The following THADA variants were observed in gnomAD, a reference collection of about 807,000 sequenced individuals.
THADA encodes the protein tRNA (32-2'-O)-methyltransferase regulator THADA.
THADA carries 213 observed loss-of-function variants against 219.8 expected under a neutral mutation model. That is an observed-to-expected ratio of 0.97 (90% CI 0.87 to 1.09). The LOEUF (loss-of-function observed/expected upper bound fraction) is 1.09, where lower values mean the gene tolerates loss of function less well. Among genes scored for constraint, THADA ranks in the 50% least tolerant of loss-of-function variants. The pLI is 0.00. For synonymous variants in THADA, 1,018 were observed against 828.9 expected (o/e 1.23, Z -3.92); for missense variants, 2,956 against 2,311.3 (o/e 1.28, Z -5.72).
chr2:43,254,605 T>C (rs1670123415), intron 36 of THADA, among the ~76,000 whole-genome samples: 1 of 152,152 alleles, frequency 6.6e-6, no homozygotes, highest in Non-Finnish European at 1.5e-5. Flanking sequence ...CTGCCACCCA[T>C]GTCTTTCTGG....
intron 20 of THADA, among the ~76,000 whole-genome samples, chr2:43,548,041 T>C: frequency 6.6e-6 from 1 of 152,150 alleles, no homozygotes. Flanking sequence ...AGATGGGTTT[T>C]TGGTGTGGAT....
intron 15 of THADA, chr2:43,565,687 G>A (rs1698578618): frequency 6.6e-6 from 1 of 152,232 alleles, no homozygotes; most frequent in Non-Finnish European, 1.5e-5. Context: ...CATTCCCTGT[G>A]AAGGAGCAGC....
intron 29 of THADA, among the ~76,000 whole-genome samples, chr2:43,386,587 A>G (rs1440478220): frequency 1.3e-5 from 2 of 152,286 alleles, no homozygotes; most frequent in South Asian, 4.1e-4. Flanking sequence ...AAGGTCCTTT[A>G]AAAAATAATA....
chr2:43,544,355 C>A (rs1024575847), intron 20 of THADA, among the ~76,000 whole-genome samples: 3 of 152,140 alleles, frequency 2.0e-5, no homozygotes, highest in East Asian at 1.9e-4. Flanking sequence ...CTTGGCAATG[C>A]GGGCTCTTTT....
chr2:43,258,598 C>A (rs1278066192), intron 36 of THADA, among the ~76,000 whole-genome samples: 1 of 151,962 alleles, frequency 6.6e-6, no homozygotes, highest in East Asian at 1.9e-4. Flanking sequence ...ACTGGGTGTC[C>A]TATATTTTTA....
In THADA at chr2:43,314,323, T is replaced by C. The variant is rs552508040; in HGVS notation, c.4438+6123A>G. Among the ~76,000 whole-genome samples, 8 of 150,566 alleles carry C rather than the reference T, an allele frequency of 5.3e-5. No homozygotes were observed. The East Asian group carries it at 1.5e-3, about 29-fold the overall frequency. On this transcript the variant is annotated intron_variant, in intron 31 of 37. Transcript: ENST00000405975. The stretch of plus-strand genomic sequence containing the variant: ...ATAATTATAAAAGAACCAAGTTGCA[T>C]AAAATTTATAAAATGGAGACTAGGA...
chr2:43,308,040 T>TA (rs5830758), intron 31 of THADA, among the ~76,000 whole-genome samples: 3 of 151,604 alleles, frequency 2.0e-5, no homozygotes, highest in East Asian at 1.9e-4. Flanking sequence ...TATCTAAAAT[T>TA]AAAAAAAATT....
At chr2:43,355,537 A>G (rs1233760806) in intron 29 of THADA, among the ~76,000 whole-genome samples, 1 of 152,186 alleles carries the variant, frequency 6.6e-6, no homozygotes, top group African/African-American at 2.4e-5. Flanking sequence ...TTGCTTTTGT[A>G]GACTGACCTT....
chr2:43,578,819 G>C (rs1183849999), intron 8 of THADA, among the ~76,000 whole-genome samples: 2 of 152,158 alleles, frequency 1.3e-5, no homozygotes, highest in Non-Finnish European at 2.9e-5. Context: ...GGCAGTGTCA[G>C]GTTTAGATGA....
chr2:43,281,929 C>A (rs11894465), intron 35 of THADA, among the ~76,000 whole-genome samples: 3,327 of 152,234 alleles, frequency 0.022, 102 homozygotes, highest in African/African-American at 0.072. Context: ...ACCACCACAT[C>A]TGGCTAATTT....
chr2:43,297,189 C>CA (rs1380661694), intron 31 of THADA, among the ~76,000 whole-genome samples: 2 of 96,386 alleles, frequency 2.1e-5, no homozygotes, highest in Non-Finnish European at 4.1e-5. Flanking sequence ...CTCTGCCCCG[C>CA]CGCCCCATCT....
intron 21 of THADA, among the ~76,000 whole-genome samples, chr2:43,535,517 A>T (rs974237055): frequency 6.6e-6 from 1 of 151,128 alleles, no homozygotes. Context: ...CATCTCTACT[A>T]AAAAAATACA....
intron 30 of THADA, among the ~76,000 whole-genome samples, chr2:43,335,864 C>T (rs879016200): frequency 1.8e-4 from 27 of 151,280 alleles, no homozygotes; most frequent in African/African-American, 3.7e-4. Context: ...TTTGGGAGGC[C>T]GAGGCAGGTG....
At chr2:43,271,968 T>C (rs1185269186) in intron 36 of THADA, among the ~76,000 whole-genome samples, 3 of 152,138 alleles carry the variant, frequency 2.0e-5, no homozygotes, top group Admixed American at 2.0e-4. Flanking sequence ...TAAATAAAAT[T>C]ATGCAGATAA....
chr2:43,509,875 G>T (rs1319401489), intron 22 of THADA, among the ~76,000 whole-genome samples: 1 of 152,074 alleles, frequency 6.6e-6, no homozygotes, highest in Non-Finnish European at 1.5e-5. Context: ...TGATTCTAAA[G>T]ATTTCCTTTT....
chr2:43,283,793 T>C (rs1362421577), intron 35 of THADA, among the ~76,000 whole-genome samples: 1 of 152,168 alleles, frequency 6.6e-6, no homozygotes, highest in African/African-American at 2.4e-5. Context: ...TAAAAGAAAG[T>C]GAAGCAGAGC....
At chr2:43,379,811 CA>C (rs1478242246) in intron 29 of THADA, among the ~76,000 whole-genome samples, 1 of 152,190 alleles carries the variant, frequency 6.6e-6, no homozygotes, top group Non-Finnish European at 1.5e-5. Context: ...AACAGGTGAA[CA>C]GGGTAAACAA....
chr2:43,520,713 T>TATAC (rs1218079783), intron 22 of THADA, among the ~76,000 whole-genome samples: 3 of 125,050 alleles, frequency 2.4e-5, no homozygotes, highest in East Asian at 2.6e-4. Flanking sequence ...TATATATATA[T>TATAC]ACACACACAC....
intron 26 of THADA, among the ~76,000 whole-genome samples, chr2:43,467,131 G>A (rs1348766545): frequency 4.8e-5 from 6 of 125,910 alleles, no homozygotes; most frequent in East Asian, 2.5e-4. Flanking sequence ...GCAGTGAGCC[G>A]AGATCGCGCC....
Sources: allele counts gnomAD v4.1 joint callset (sites outside exome capture counted in the v4.1 genomes callset), GRCh38; gene constraint gnomAD v4.1.1; transcripts MANE v1.5; gene names NCBI Gene and HGNC (gene_info 2026-07-23, HGNC 2026-07-21).